The following PPM1H variants were observed in gnomAD, a reference collection of about 807,000 sequenced individuals.
The protein encoded by PPM1H is protein phosphatase 1H.
PPM1H carries 27 observed loss-of-function variants against 54.9 expected under a neutral mutation model. That is an observed-to-expected ratio of 0.49 (90% CI 0.36 to 0.68). PPM1H has a LOEUF of 0.68. Ranked by LOEUF, PPM1H falls within the 30% of genes least tolerant of loss-of-function variation. The pLI is 0.00. For synonymous variants in PPM1H, 305 were observed against 270.8 expected, an observed-to-expected ratio of 1.13 and a Z score of -1.24; for missense variants, 596 against 667.8, an observed-to-expected ratio of 0.89 and a Z score of 1.19.
intron 6 of PPM1H, among the ~76,000 whole-genome samples, chr12:62,717,297 T>TG (rs1457921731): frequency 4.6e-5 from 7 of 152,230 alleles, no homozygotes; most frequent in Non-Finnish European, 8.8e-5. Context: ...AACAGCCGTT[T>TG]GGGGAATTAG....
chr12:62,690,178 A>G (rs549963339), intron 7 of PPM1H, among the ~76,000 whole-genome samples: 78 of 151,908 alleles, frequency 5.1e-4, no homozygotes, highest in African/African-American at 1.9e-3. Flanking sequence ...TGATCGATCC[A>G]TCCATCCATC....
chr12:62,833,114 A>G (rs997449516), intron 1 of PPM1H, among the ~76,000 whole-genome samples: 4 of 152,226 alleles, frequency 2.6e-5, no homozygotes, highest in African/African-American at 9.7e-5. Flanking sequence ...AGATTCCCTT[A>G]AAGAGTTCTC....
At chr12:62,753,808 A>G (rs905776124) in intron 4 of PPM1H, among the ~76,000 whole-genome samples, 13 of 152,176 alleles carry the variant, frequency 8.5e-5, no homozygotes, top group Admixed American at 5.2e-4. Flanking sequence ...AGTTTTCCAG[A>G]TAAGGGGGAT....
intron 1 of PPM1H, chr12:62,933,826 C>T (rs966814121): frequency 6.6e-6 from 1 of 152,076 alleles, no homozygotes; most frequent in Non-Finnish European, 1.5e-5. Flanking sequence ...AAGCGGATTA[C>T]CAAAATGTTA....
intron 5 of PPM1H, among the ~76,000 whole-genome samples, chr12:62,735,065 A>G (rs948965085): frequency 6.6e-6 from 1 of 152,090 alleles, no homozygotes; most frequent in Non-Finnish European, 1.5e-5. Flanking sequence ...CAAAAAAACA[A>G]CGGAAGGTGA....
chr12:62,927,974 A>C (rs1190502765), intron 1 of PPM1H, among the ~76,000 whole-genome samples: 1 of 152,208 alleles, frequency 6.6e-6, no homozygotes, highest in African/African-American at 2.4e-5. Flanking sequence ...CACAGTGAAA[A>C]ACCACCAAAG....
At chr12:62,930,445 T>C (rs2121191577) in intron 1 of PPM1H, among the ~76,000 whole-genome samples, 1 of 152,336 alleles carries the variant, frequency 6.6e-6, no homozygotes. Context: ...AAAACCTGAA[T>C]ATGATGCATT....
At chr12:62,666,745 G>A (rs572862870) in intron 9 of PPM1H, among the ~76,000 whole-genome samples, 12 of 151,460 alleles carry the variant, frequency 7.9e-5, no homozygotes, top group South Asian at 4.2e-4. Context: ...ACAGAGGGTC[G>A]CTCTGTCACC....
At chr12:62,761,112 G>A (rs900022558) in intron 4 of PPM1H, among the ~76,000 whole-genome samples, 1 of 152,102 alleles carries the variant, frequency 6.6e-6, no homozygotes, top group Admixed American at 6.5e-5. Flanking sequence ...CAACACAGGA[G>A]GCTTTAGAAA....
intron 1 of PPM1H, among the ~76,000 whole-genome samples, chr12:62,901,655 G>A (rs1318717526): frequency 6.6e-6 from 1 of 152,110 alleles, no homozygotes; most frequent in East Asian, 1.9e-4. Flanking sequence ...TCTCTAAGTG[G>A]GACACATTCT....
chr12:62,660,362 A>C (rs1283838138), intron 9 of PPM1H, among the ~76,000 whole-genome samples: 1 of 152,256 alleles, frequency 6.6e-6, no homozygotes. Context: ...ATGAAACTAC[A>C]AAAGACCCAG....
chr12:62,917,332 T>A (rs1382190619), intron 1 of PPM1H, among the ~76,000 whole-genome samples: 2 of 152,234 alleles, frequency 1.3e-5, no homozygotes, highest in East Asian at 3.8e-4. Flanking sequence ...TACAGACAAC[T>A]TGGGGCTAAA....
intron 1 of PPM1H, among the ~76,000 whole-genome samples, chr12:62,833,779 T>C (rs750600203): frequency 6.6e-6 from 1 of 152,208 alleles, no homozygotes; most frequent in Non-Finnish European, 1.5e-5. Context: ...TTTTAAAAAA[T>C]GCAATAATTT....
intron 2 of PPM1H, among the ~76,000 whole-genome samples, chr12:62,802,814 C>A (rs544505437): frequency 3.9e-5 from 6 of 152,066 alleles, no homozygotes. Flanking sequence ...AAACTCCTGG[C>A]CTCAAGTGAT....
chr12:62,695,331 C>T (rs866987067), intron 6 of PPM1H, among the ~76,000 whole-genome samples: 3 of 152,170 alleles, frequency 2.0e-5, no homozygotes, highest in South Asian at 2.1e-4. Context: ...TGCTCTCAGT[C>T]CCTCAGGATC....
intron 4 of PPM1H, among the ~76,000 whole-genome samples, chr12:62,741,590 C>G (rs529942924): frequency 5.3e-5 from 8 of 152,316 alleles, no homozygotes; most frequent in Middle Eastern, 3.4e-3. Context: ...CAGCTCAGAA[C>G]GCCTTCTGTT....
At chr12:62,859,195 C>T (rs1869507371) in intron 1 of PPM1H, among the ~76,000 whole-genome samples, 2 of 152,134 alleles carry the variant, frequency 1.3e-5, no homozygotes, top group South Asian at 4.1e-4. Context: ...AGGAAACAAG[C>T]CACTAGGAAG....
intron 4 of PPM1H, among the ~76,000 whole-genome samples, chr12:62,762,875 C>T (rs12424995): frequency 0.11 from 17,334 of 152,122 alleles, 1,043 homozygotes; most frequent in South Asian, 0.21. Context: ...CATTGATGAC[C>T]GAGAAGGGAG....
intron 4 of PPM1H, among the ~76,000 whole-genome samples, chr12:62,765,855 A>G (rs2076539504): frequency 6.6e-6 from 1 of 152,242 alleles, no homozygotes; most frequent in African/African-American, 2.4e-5. Context: ...TGTTATCAAG[A>G]CAAGGGAGAT....
Sources: gnomAD v4.1 joint callset for allele counts (sites outside exome capture counted in the v4.1 genomes callset) on GRCh38, gnomAD v4.1.1 for gene constraint, MANE v1.5 for transcripts, NCBI Gene and HGNC (gene_info 2026-07-23, HGNC 2026-07-21) for gene names.